Variants in MARCHF3 observed in about 807,000 individuals in gnomAD.
MARCHF3 encodes the protein E3 ubiquitin-protein ligase MARCHF3.
In MARCHF3, 13 loss-of-function variants were observed where a neutral mutation model predicts 24.2. The ratio of observed to expected loss-of-function variants is 0.54; its 90% CI spans 0.35 to 0.85. The LOEUF is 0.85. MARCHF3 is among the 40% of genes least tolerant of loss of function. MARCHF3 has a pLI of 0.01. For synonymous variants in MARCHF3, 144 were observed against 137.3 expected, an observed-to-expected ratio of 1.05 and a Z score of -0.34; for missense variants, 276 against 325.0, an observed-to-expected ratio of 0.85 and a Z score of 1.16.
At position 126,938,110 on chromosome 5, in the gene MARCHF3, A is replaced by G. The variant is rs1014077931; in HGVS notation, c.-56-19883T>C. On this transcript the variant is annotated intron_variant, in intron 1 of 4. Transcript: ENST00000308660. ...AGCACCTCGGATTTTTGCAATCCAC[A>G]TTTTATTAACTTAGGGGAGAATAGA... Among the ~76,000 whole-genome samples the G allele has an allele frequency of 8.0e-4, 121 of 150,718 alleles. 1 individual carries two copies. Among genetic ancestry groups the G allele is most frequent in the Admixed American group, 3.3e-4 (5 of 15,116 alleles).
chr5:126,877,911 G>T (rs779995558), intron 4 of MARCHF3, among the ~76,000 whole-genome samples: 1 of 152,186 alleles, frequency 6.6e-6, no homozygotes, highest in African/African-American at 2.4e-5. Context: ...CTAGAGGAGA[G>T]AAACGTCCAT....
chr5:126,994,202 C>G (rs986037694), intron 1 of MARCHF3, among the ~76,000 whole-genome samples: 1 of 152,200 alleles, frequency 6.6e-6, no homozygotes, highest in Non-Finnish European at 1.5e-5. Flanking sequence ...ACTACTGATA[C>G]AACAATGTGG....
At chr5:126,920,474 G>T (rs1353034716) in intron 1 of MARCHF3, among the ~76,000 whole-genome samples, 1 of 152,142 alleles carries the variant, frequency 6.6e-6, no homozygotes, top group Non-Finnish European at 1.5e-5. Flanking sequence ...GGGTGTATTG[G>T]CAGGAAAAGC....
chr5:126,905,880 C>A (rs1754274486), intron 3 of MARCHF3, among the ~76,000 whole-genome samples: 1 of 152,144 alleles, frequency 6.6e-6, no homozygotes, highest in African/African-American at 2.4e-5. Context: ...GAGAGGGCAT[C>A]CCTGTCTTGT....
intron 1 of MARCHF3, among the ~76,000 whole-genome samples, chr5:127,022,930 A>G (rs1752855577): frequency 6.6e-6 from 1 of 152,212 alleles, no homozygotes; most frequent in Non-Finnish European, 1.5e-5. Flanking sequence ...TCTTGCAATC[A>G]TTTAAAGCCC....
chr5:126,970,809 T>A (rs1465995012), intron 1 of MARCHF3, among the ~76,000 whole-genome samples: 1 of 152,202 alleles, frequency 6.6e-6, no homozygotes, highest in Non-Finnish European at 1.5e-5. Flanking sequence ...ATTTTCCTAC[T>A]TCCTGTCATT....
chr5:127,018,698 T>A (rs563084059), intron 1 of MARCHF3, among the ~76,000 whole-genome samples: 1 of 152,122 alleles, frequency 6.6e-6, no homozygotes, highest in East Asian at 1.9e-4. Context: ...GGCCAGAGGG[T>A]AAGTAATGAG....
intron 3 of MARCHF3, among the ~76,000 whole-genome samples, chr5:126,894,520 A>C (rs916905772): frequency 1.3e-5 from 2 of 151,510 alleles, no homozygotes; most frequent in African/African-American, 4.9e-5. Flanking sequence ...TTGTCTGTAA[A>C]GTATTTTATT....
intron 1 of MARCHF3, among the ~76,000 whole-genome samples, chr5:126,955,924 T>C (rs940528877): frequency 1.3e-5 from 2 of 152,220 alleles, no homozygotes; most frequent in Non-Finnish European, 2.9e-5. Flanking sequence ...ATTTTAAAGT[T>C]TTATTTTTCA....
intron 1 of MARCHF3, among the ~76,000 whole-genome samples, chr5:126,939,777 T>C (rs1362252472): frequency 6.6e-6 from 1 of 152,212 alleles, no homozygotes; most frequent in Non-Finnish European, 1.5e-5. Flanking sequence ...TGTGGACCAC[T>C]GGCCACATTT....
intron 1 of MARCHF3, among the ~76,000 whole-genome samples, chr5:126,976,129 T>C (rs931204373): frequency 4.6e-5 from 7 of 152,240 alleles, no homozygotes; most frequent in African/African-American, 1.7e-4. Flanking sequence ...TCTCCTTCTA[T>C]ATTCATGCAG....
intron 3 of MARCHF3, among the ~76,000 whole-genome samples, chr5:126,913,254 C>T (rs557961930): frequency 1.3e-5 from 2 of 152,274 alleles, no homozygotes; most frequent in Admixed American, 6.5e-5. Context: ...ACTGGGGAAA[C>T]GCTAGTTAAA....
intron 1 of MARCHF3, among the ~76,000 whole-genome samples, chr5:126,921,887 GA>G (rs1229486974): frequency 2.0e-5 from 3 of 152,182 alleles, no homozygotes; most frequent in African/African-American, 7.2e-5. Context: ...GGATAAGAGG[GA>G]GACAGTGAAA....
At chr5:127,024,699 G>C (rs1580502968) in intron 1 of MARCHF3, among the ~76,000 whole-genome samples, 1 of 152,130 alleles carries the variant, frequency 6.6e-6, no homozygotes, top group African/African-American at 2.4e-5. Flanking sequence ...CAATTAAAAA[G>C]ATAAGTCTAT....
intron 4 of MARCHF3, among the ~76,000 whole-genome samples, chr5:126,872,864 C>T (rs1457634839): frequency 6.6e-6 from 1 of 151,062 alleles, no homozygotes; most frequent in Non-Finnish European, 1.5e-5. Flanking sequence ...GTTTTTTTTT[C>T]AAGTGTGATT....
At chr5:126,994,776 TGAGGAGCAAGGA>T (rs1202433488) in intron 1 of MARCHF3, among the ~76,000 whole-genome samples, 1 of 152,124 alleles carries the variant, frequency 6.6e-6, no homozygotes, top group Non-Finnish European at 1.5e-5. Flanking sequence ...GTCTGCAAGG[TGAGGAGCAAGGA>T]AGCCAGTGGT....
At chr5:126,909,502 G>C (rs1312986122) in intron 3 of MARCHF3, among the ~76,000 whole-genome samples, 3 of 152,222 alleles carry the variant, frequency 2.0e-5, no homozygotes, top group South Asian at 2.1e-4. Context: ...TCCGAGCCAC[G>C]CACAGGATAT....
intron 1 of MARCHF3, among the ~76,000 whole-genome samples, chr5:126,952,613 GTTATTT>G (rs1297085987): frequency 1.3e-5 from 2 of 152,036 alleles, no homozygotes; most frequent in East Asian, 1.9e-4. Context: ...CCCACGTTTT[GTTATTT>G]TTATTTTTAT....
intron 3 of MARCHF3, among the ~76,000 whole-genome samples, chr5:126,880,791 AAGCAG>A (rs1216248570): frequency 1.3e-5 from 2 of 152,220 alleles, no homozygotes; most frequent in Non-Finnish European, 2.9e-5. Context: ...TTTTCCCTGG[AAGCAG>A]ATAGACATCT....
Sources: gnomAD v4.1 joint callset for allele counts (sites outside exome capture counted in the v4.1 genomes callset) on GRCh38, gnomAD v4.1.1 for gene constraint, MANE v1.5 for transcripts, NCBI Gene and HGNC (gene_info 2026-07-23, HGNC 2026-07-21) for gene names.